Variants in CNTNAP5 observed in about 807,000 individuals in gnomAD.
The protein encoded by CNTNAP5 is contactin-associated protein-like 5.
Under a neutral mutation model 150.2 loss-of-function variants are expected in CNTNAP5, and 72 were observed. That is an observed-to-expected ratio of 0.48 (90% CI 0.40 to 0.58). The LOEUF is 0.58. Among genes scored for constraint, CNTNAP5 ranks in the 20% least tolerant of loss-of-function variants. CNTNAP5 has a pLI of 0.00. For missense variants in CNTNAP5, 1,636 were observed against 1,626.2 expected, an observed-to-expected ratio of 1.01 and a Z score of -0.10; for synonymous variants, 672 against 619.8, an observed-to-expected ratio of 1.08 and a Z score of -1.25.
At chr2:124,175,634 A>T (rs1685047244) in intron 1 of CNTNAP5, among the ~76,000 whole-genome samples, 1 of 152,062 alleles carries the variant, frequency 6.6e-6, no homozygotes, top group Non-Finnish European at 1.5e-5. Context: ...ATCTTTATGG[A>T]CACCACACCC....
chr2:124,436,958 T>G (rs1225071927), intron 5 of CNTNAP5, among the ~76,000 whole-genome samples: 2 of 152,194 alleles, frequency 1.3e-5, no homozygotes, highest in East Asian at 3.9e-4. Context: ...CATAAGTTTC[T>G]AGGTTCCTCT....
At position 124,434,509 on chromosome 2, in the gene CNTNAP5, C is replaced by T; in HGVS notation, c.555C>T (p.Gly185=). ...SYKSDVADFD[G]RSSLLYRFNQ... The stretch of plus-strand genomic sequence containing the variant: ...AATCAGATGTTGCTGACTTTGATGG[C>T]CGAAGCTCACTTCTGTACAGGTTCA... Residue 185 remains glycine, a synonymous_variant, in exon 5 of 24, where the codon GGC becomes GGT. Coordinates refer to ENST00000682447, the MANE Select transcript of CNTNAP5 (RefSeq NM_001367498.1). The T allele has an allele frequency of 6.2e-7, 1 of 1,613,884 alleles. No homozygotes were observed. The highest frequency in any genetic ancestry group is 8.5e-7 in the Non-Finnish European group (1 of 1,179,782).
chr2:124,766,623 C>T (rs1681074627), intron 16 of CNTNAP5, among the ~76,000 whole-genome samples: 1 of 152,166 alleles, frequency 6.6e-6, no homozygotes, highest in Non-Finnish European at 1.5e-5. Flanking sequence ...TCATACCTAA[C>T]ATGGCCAGTC....
intron 1 of CNTNAP5, among the ~76,000 whole-genome samples, chr2:124,084,672 G>A (rs1284305847): frequency 6.6e-6 from 1 of 151,800 alleles, no homozygotes; most frequent in African/African-American, 2.4e-5. Context: ...TTGCATATAT[G>A]TGTTTACATA....
chr2:124,747,109 G>A, intron 13 of CNTNAP5, 120 bp from the exon 14 acceptor site: 1 of 814,474 alleles, frequency 1.2e-6, no homozygotes, highest in Non-Finnish European at 1.8e-6. Flanking sequence ...AAGACAGGAA[G>A]GGAAGGAGAT....
At chr2:124,604,293 C>T (rs1445743372) in intron 11 of CNTNAP5, among the ~76,000 whole-genome samples, 1 of 151,912 alleles carries the variant, frequency 6.6e-6, no homozygotes, top group East Asian at 1.9e-4. Flanking sequence ...CTTTTTCTTG[C>T]TATGTTTAAT....
chr2:124,723,021 C>A (rs1327296775), intron 13 of CNTNAP5, among the ~76,000 whole-genome samples: 3 of 152,220 alleles, frequency 2.0e-5, no homozygotes, highest in Non-Finnish European at 2.9e-5. Flanking sequence ...AATCTCTTTA[C>A]CAAATAATTT....
intron 20 of CNTNAP5, among the ~76,000 whole-genome samples, chr2:124,868,967 A>G: frequency 6.6e-6 from 1 of 152,266 alleles, no homozygotes; most frequent in Non-Finnish European, 1.5e-5. Context: ...CTCCCTAGGA[A>G]TGGGAAGGGG....
At chr2:124,408,569 C>G (rs2553620) in intron 3 of CNTNAP5, among the ~76,000 whole-genome samples, 147,721 of 148,262 alleles carry the variant, frequency 1, 73,590 homozygotes, top group Admixed American at 1. Flanking sequence ...CAAGTGGGTC[C>G]CTGACCCCTG....
intron 13 of CNTNAP5, among the ~76,000 whole-genome samples, chr2:124,695,415 C>T (rs1679385567): frequency 6.6e-6 from 1 of 152,128 alleles, no homozygotes; most frequent in South Asian, 2.1e-4. Flanking sequence ...AACTATGTTT[C>T]ACAGCCAATT....
intron 13 of CNTNAP5, among the ~76,000 whole-genome samples, chr2:124,658,124 A>T (rs535239963): frequency 6.6e-6 from 1 of 152,202 alleles, no homozygotes; most frequent in Non-Finnish European, 1.5e-5. Flanking sequence ...AGTAGTAAGT[A>T]TCACCAGTAG....
chr2:124,610,006 C>T (rs541970751), intron 12 of CNTNAP5, 86 bp downstream of exon 12: 91 of 1,426,632 alleles, frequency 6.4e-5, no homozygotes, highest in African/African-American at 6.1e-4. Context: ...GGGATACCTA[C>T]GTGAATAAAA....
intron 17 of CNTNAP5, among the ~76,000 whole-genome samples, chr2:124,781,116 C>T (rs1042664264): frequency 1.3e-5 from 2 of 152,176 alleles, no homozygotes; most frequent in African/African-American, 4.8e-5. Context: ...CTTTTTTCCC[C>T]ACTCACATTC....
chr2:124,626,487 C>T (rs540799690), intron 12 of CNTNAP5, among the ~76,000 whole-genome samples: 6 of 152,164 alleles, frequency 3.9e-5, no homozygotes, highest in Admixed American at 3.3e-4. Context: ...TGTACCTCCC[C>T]GCTGAGCCAA....
intron 19 of CNTNAP5, among the ~76,000 whole-genome samples, chr2:124,806,294 A>G (rs1055013886): frequency 1.3e-5 from 2 of 152,190 alleles, no homozygotes; most frequent in African/African-American, 4.8e-5. Context: ...TATAGAATCC[A>G]TAAGATGTTA....
intron 3 of CNTNAP5, among the ~76,000 whole-genome samples, chr2:124,294,565 A>G (rs543438631): frequency 6.6e-6 from 1 of 152,346 alleles, no homozygotes; most frequent in African/African-American, 2.4e-5. Flanking sequence ...GAAGAACTGG[A>G]GGAAGGCCAG....
intron 19 of CNTNAP5, among the ~76,000 whole-genome samples, chr2:124,837,156 TA>T (rs1221224000): frequency 4.7e-5 from 7 of 150,206 alleles, no homozygotes; most frequent in Non-Finnish European, 1.0e-4. Flanking sequence ...GGAGAAAAGA[TA>T]GGATTTTCCA....
chr2:124,340,083 G>C (rs74910893), intron 3 of CNTNAP5, among the ~76,000 whole-genome samples: 8,274 of 152,280 alleles, frequency 0.054, 343 homozygotes, highest in East Asian at 0.22. Context: ...TTTCAGCAGA[G>C]TTCTGTCCTC....
At chr2:124,610,884 G>C (rs1469944811) in intron 12 of CNTNAP5, among the ~76,000 whole-genome samples, 1 of 151,716 alleles carries the variant, frequency 6.6e-6, no homozygotes, top group Non-Finnish European at 1.5e-5. Flanking sequence ...TTGAACCCGG[G>C]AGACGGAGGT....
Sources: allele counts gnomAD v4.1 joint callset (sites outside exome capture counted in the v4.1 genomes callset), GRCh38; gene constraint gnomAD v4.1.1; transcripts MANE v1.5; gene names NCBI Gene and HGNC (gene_info 2026-07-23, HGNC 2026-07-21).